Variants in ATL3 observed in about 807,000 individuals in gnomAD.
ATL3 encodes the protein atlastin GTPase 3.
ATL3 carries 49 observed loss-of-function variants against 69.5 expected under a neutral mutation model. The observed-to-expected ratio is 0.71, with a 90% CI of 0.56 to 0.89. The LOEUF (loss-of-function observed/expected upper bound fraction) is 0.89, where lower values mean the gene tolerates loss of function less well. Ranked by LOEUF, ATL3 falls within the 40% of genes least tolerant of loss-of-function variation. ATL3 has a pLI of 0.00. For missense variants in ATL3, 606 were observed against 645.7 expected, an observed-to-expected ratio of 0.94 and a Z score of 0.67; for synonymous variants, 214 against 224.1, an observed-to-expected ratio of 0.95 and a Z score of 0.40.
At chr11:63,646,647 T>A in intron 5 of ATL3, 84 bp from the exon 6 acceptor site, 3 of 834,072 alleles carry the variant, frequency 3.6e-6, no homozygotes, top group Non-Finnish European at 5.8e-6. Flanking sequence ...TTCATTATAT[T>A]TATACTGATA....
Position 63,627,793 on chromosome 11 carries a change from T to C in ATL3, c.*1526A>G, listed in dbSNP as rs1354706752. 2.0e-5 allele frequency: 3 copies of C among 152,214 alleles called. No homozygotes were observed. Among genetic ancestry groups the C allele is most frequent in the Non-Finnish European group, 4.4e-5 (3 of 68,024 alleles). The allele number at this position is 152,214 out of a possible 1,614,324, so 9.4% of individuals were successfully genotyped here. A position where few individuals can be genotyped will look rare whatever the true frequency, so the allele number is the denominator to read the frequency against. On this transcript the variant is annotated 3_prime_UTR_variant, in exon 13 of 13. Coordinates refer to ENST00000398868, the MANE Select transcript of ATL3 (RefSeq NM_015459.5). ...AAGAACTCTTAGATACTTCTAGATA[T>C]TTTTTATATTTGGGTAGGACTTTGA...
chr11:63,661,660 C>T lies in ATL3; in HGVS notation c.47-2408G>A, dbSNP rs145820027. 1.5e-3 allele frequency among the ~76,000 whole-genome samples: 227 copies of T among 151,894 alleles called. 1 individual carries two copies. Among genetic ancestry groups the T allele is most frequent in the African/African-American group, 5.1e-3 (212 of 41,396 alleles). ...ATCCCAGCACTTTGGGAGGCCGAGG[C>T]GGGCAGATCACCTGAGGTTGTGAGT... On this transcript the variant is annotated intron_variant, in intron 1 of 12. Transcript: ENST00000398868.
At chr11:63,638,741 C>T (rs78354989) in intron 8 of ATL3, among the ~76,000 whole-genome samples, 20 of 149,594 alleles carry the variant, frequency 1.3e-4, no homozygotes, top group Non-Finnish European at 2.7e-4. Flanking sequence ...AAAAAAAAAA[C>T]TCAGCAGCTA....
intron 6 of ATL3, among the ~76,000 whole-genome samples, chr11:63,644,743 T>C (rs1284023482): frequency 6.6e-6 from 1 of 152,144 alleles, no homozygotes; most frequent in Non-Finnish European, 1.5e-5. Flanking sequence ...TGGAGGGACA[T>C]GTTTAAGCCA....
chr11:63,633,614 G>A (rs1565269144), intron 10 of ATL3, among the ~76,000 whole-genome samples: 1 of 150,994 alleles, frequency 6.6e-6, no homozygotes, highest in East Asian at 1.9e-4. Flanking sequence ...GAACTCCCAG[G>A]CTCAAGTGAT....
chr11:63,651,845 C>T, intron 5 of ATL3, 91 bp downstream of exon 5: 3 of 1,471,420 alleles, frequency 2.0e-6, no homozygotes, highest in Non-Finnish European at 2.7e-6. Flanking sequence ...ACATTTCAAT[C>T]TTTTGCTAAA....
rs80216216 is a variant in ATL3 at position 63,646,309 on chromosome 11, C to T, written c.618+198G>A. 0.14 allele frequency among the ~76,000 whole-genome samples: 21,155 copies of T among 152,148 alleles called. 1,598 individuals are homozygous for T. The highest frequency in any genetic ancestry group is 0.2 in the South Asian group (945 of 4,828). ...AAAATTTTACCTACAGACAATGACA[C>T]TTGAATTTCAGGTAATTTACGTGTC... is the stretch of plus-strand genomic sequence containing the variant. On this transcript the variant is annotated intron_variant, in intron 6 of 12. Transcript: ENST00000398868.
chr11:63,640,858 T>A (rs1313715589), intron 8 of ATL3, among the ~76,000 whole-genome samples: 2 of 152,134 alleles, frequency 1.3e-5, no homozygotes, highest in African/African-American at 2.4e-5. Flanking sequence ...CACCTTGGCC[T>A]CCCAAAGTGC....
chr11:63,655,588 C>T (rs1326950266), intron 3 of ATL3, among the ~76,000 whole-genome samples: 1 of 151,748 alleles, frequency 6.6e-6, no homozygotes, highest in African/African-American at 2.4e-5. Context: ...GCTGGGATTA[C>T]AGGCATGACC....
chr11:63,664,675 T>G (rs1465191950), intron 1 of ATL3, among the ~76,000 whole-genome samples: 1 of 148,664 alleles, frequency 6.7e-6, no homozygotes, highest in East Asian at 2.1e-4. Context: ...CAGGCTGGAG[T>G]GCAGTGGCGC....
intron 3 of ATL3, among the ~76,000 whole-genome samples, chr11:63,657,141 C>T (rs1312322715): frequency 2.8e-5 from 4 of 142,830 alleles, no homozygotes; most frequent in Non-Finnish European, 3.0e-5. Context: ...ACCTGGGAGG[C>T]GGAGACTGTA....
At chr11:63,652,647 A>G in intron 3 of ATL3, 72 bp from the exon 4 acceptor site, 2 of 1,125,908 alleles carry the variant, frequency 1.8e-6, no homozygotes, top group East Asian at 2.4e-5. Flanking sequence ...GAAATTGAAA[A>G]GTACAGGTAA....
chr11:63,649,535 C>CTT (rs983684580), intron 5 of ATL3, among the ~76,000 whole-genome samples: 1 of 143,248 alleles, frequency 7.0e-6, no homozygotes, highest in African/African-American at 2.5e-5. Context: ...ATTTTATTTT[C>CTT]TTTTTTTTTT....
In ATL3 at chr11:63,626,721, T is replaced by C. The variant is rs1939124538; in HGVS notation, c.*2598A>G. The C allele has an allele frequency of 6.6e-6, 1 of 152,206 alleles. No individual in the cohort carries two copies. The highest frequency in any genetic ancestry group is 2.1e-4 in the South Asian group (1 of 4,836). 9.4% of individuals were successfully genotyped at this position (152,206 alleles called of 1,614,324 possible). A position where few individuals can be genotyped will look rare whatever the true frequency, so the allele number is the denominator to read the frequency against. On this transcript the variant is annotated 3_prime_UTR_variant, in exon 13 of 13. Transcript: ENST00000398868. ...GACGCAAACAGGCACAGTCTGAGCA[T>C]CTGAACCACAAGTAAAAGGTGAGAG...
At chr11:63,667,926 T>G (rs569764224) in intron 1 of ATL3, among the ~76,000 whole-genome samples, 32 of 151,740 alleles carry the variant, frequency 2.1e-4, no homozygotes, top group Non-Finnish European at 4.3e-4. Context: ...CCAGTAACAC[T>G]CCCCACAACA....
At chr11:63,671,621 C>A (rs1225829519), upstream of ATL3, 2 of 1,416,596 alleles carry the variant, frequency 1.4e-6, no homozygotes, top group East Asian at 3.2e-5. Context: ...GTGCGCGAAG[C>A]GAGCCGCCGG....
At chr11:63,640,785 A>G (rs1334249207) in intron 8 of ATL3, among the ~76,000 whole-genome samples, 1 of 151,828 alleles carries the variant, frequency 6.6e-6, no homozygotes, top group Non-Finnish European at 1.5e-5. Context: ...TTGTTTTAGC[A>G]GAGACAGGGT....
chr11:63,633,010 C>A lies in ATL3; in HGVS notation c.1107+16G>T. The A allele has an allele frequency of 1.2e-6, 2 of 1,610,070 alleles. No homozygotes were observed. Among genetic ancestry groups the A allele is most frequent in the Non-Finnish European group, 1.7e-6 (2 of 1,176,456 alleles). On this transcript the variant is annotated intron_variant, in intron 11 of 12. Transcript: ENST00000398868. ...AGATTATAGATATTTCAGAATAAGG[C>A]GTATGTCCCACGTACCTCTTCCATG...
At chr11:63,657,912 A>G (rs1940307349) in intron 3 of ATL3, among the ~76,000 whole-genome samples, 2 of 149,888 alleles carry the variant, frequency 1.3e-5, no homozygotes, top group African/African-American at 4.9e-5. Flanking sequence ...GCTGGAGGAC[A>G]GTGGTGTGAT....
Sources: gnomAD v4.1 joint callset for allele counts (sites outside exome capture counted in the v4.1 genomes callset) on GRCh38, gnomAD v4.1.1 for gene constraint, MANE v1.5 for transcripts, NCBI Gene and HGNC (gene_info 2026-07-23, HGNC 2026-07-21) for gene names.